CEP83: variants seen among roughly 807,000 people sequenced by gnomAD.
CEP83 encodes the protein centrosomal protein of 83 kDa.
In CEP83, 70 loss-of-function variants were observed where a neutral mutation model predicts 101.9. The observed-to-expected ratio is 0.69, with a 90% CI of 0.57 to 0.84. The LOEUF (loss-of-function observed/expected upper bound fraction) is 0.84. Ranked by LOEUF, CEP83 falls within the 40% of genes least tolerant of loss-of-function variation. The pLI is 0.00. For synonymous variants in CEP83, 264 were observed against 267.9 expected, an observed-to-expected ratio of 0.99 and a Z score of 0.14; for missense variants, 715 against 787.2, an observed-to-expected ratio of 0.91 and a Z score of 1.10.
At chr12:94,397,679 A>G (rs913010240) in intron 6 of CEP83, among the ~76,000 whole-genome samples, 5 of 152,236 alleles carry the variant, frequency 3.3e-5, no homozygotes, top group South Asian at 2.1e-4. Context: ...TCCTTACCAG[A>G]TAAGTATCAT....
At position 94,339,418 on chromosome 12, in the gene CEP83, GAT is replaced by G. The variant is rs143700102; in HGVS notation, c.1344-3756_1344-3755del. ...TTCTACAATCTGTGCCTTCCAATATGATAGTCACTAGCAACATGTTGCTAGTG... is the reference window on the plus strand; with the variant it reads ...TTCTACAATCTGTGCCTTCCAATATGAGTCACTAGCAACATGTTGCTAGTG... On this transcript the variant is annotated intron_variant, in intron 11 of 16. Coordinates refer to ENST00000397809, the MANE Select transcript of CEP83 (RefSeq NM_016122.3). 5.6e-3 allele frequency among the ~76,000 whole-genome samples: 854 copies of G among 152,214 alleles called. 5 individuals are homozygous for G. Among genetic ancestry groups the G allele is most frequent in the African/African-American group, 0.02 (814 of 41,530 alleles).
the CEP83 span, among the ~76,000 whole-genome samples, chr12:94,280,826 TCTTTTCCTGAGTTTGGGTGTCC>T: frequency 5.9e-5 from 9 of 152,206 alleles, no homozygotes; most frequent in African/African-American, 2.2e-4. Flanking sequence ...GCATCCTTAC[TCTTTTCCTGAGTTTGGGTGTCC>T]CTTGCCTCCT....
intron 2 of CEP83, among the ~76,000 whole-genome samples, chr12:94,427,194 C>T (rs1566174855): frequency 6.6e-6 from 1 of 152,212 alleles, no homozygotes; most frequent in East Asian, 1.9e-4. Flanking sequence ...AAGACACTTA[C>T]ACATACATTA....
intron 1 of CEP83, among the ~76,000 whole-genome samples, chr12:94,449,940 T>C (rs1210036271): frequency 6.6e-6 from 1 of 151,884 alleles, no homozygotes; most frequent in Admixed American, 6.6e-5. Context: ...GGAAAAAACA[T>C]GACAAAATCT....
rs965796056 is a variant in CEP83, at chr12:94,390,811, C to T, written c.549+10039G>A. On this transcript the variant is annotated intron_variant, in intron 6 of 16. Transcript: ENST00000397809. ...ACCTGATGGAGTGCAAACCATGGCA[C>T]GAGAACTTCGTGATGCATGCAGAAG... Among the ~76,000 whole-genome samples the T allele has an allele frequency of 3.3e-5, 5 of 151,968 alleles. No homozygotes were observed. In the South Asian group the frequency reaches 6.2e-4, roughly 19 times the overall value.
intron 1 of CEP83, among the ~76,000 whole-genome samples, chr12:94,437,466 T>C (rs1594061319): frequency 2.0e-5 from 3 of 152,098 alleles, no homozygotes; most frequent in Admixed American, 2.0e-4. Context: ...AAGAAAAGAA[T>C]CTTAACAGCT....
At chr12:94,301,702 T>TA (rs752306139), downstream of CEP83, among the ~76,000 whole-genome samples, 3 of 152,118 alleles carry the variant, frequency 2.0e-5, no homozygotes, top group African/African-American at 4.8e-5. Context: ...GGCAGGACTT[T>TA]AAGAGTACCT....
At chr12:94,456,051 A>G (rs2067653780) in intron 1 of CEP83, among the ~76,000 whole-genome samples, 2 of 151,844 alleles carry the variant, frequency 1.3e-5, no homozygotes, top group Non-Finnish European at 2.9e-5. Context: ...CCATCTCAAA[A>G]AAAAAAAAAA....
At chr12:94,387,925 A>G (rs975389189) in intron 6 of CEP83, among the ~76,000 whole-genome samples, 1 of 152,208 alleles carries the variant, frequency 6.6e-6, no homozygotes, top group African/African-American at 2.4e-5. Context: ...AAAGGAAAAA[A>G]AAAATAACAG....
At chr12:94,423,044 C>T (rs1006181492) in intron 2 of CEP83, among the ~76,000 whole-genome samples, 1 of 151,714 alleles carries the variant, frequency 6.6e-6, no homozygotes, top group Non-Finnish European at 1.5e-5. Flanking sequence ...CTTTTTCCAA[C>T]GTGGTTGTAC....
At chr12:94,413,358 A>G (rs552097353) in intron 2 of CEP83, among the ~76,000 whole-genome samples, 1 of 152,318 alleles carries the variant, frequency 6.6e-6, no homozygotes, top group Admixed American at 6.5e-5. Context: ...GGTAGTCTTA[A>G]ATTCACAAAC....
chr12:94,328,549 A>G (rs1396368169), intron 14 of CEP83, among the ~76,000 whole-genome samples: 2 of 152,224 alleles, frequency 1.3e-5, no homozygotes, highest in Admixed American at 1.3e-4. Flanking sequence ...AAAAAATGCT[A>G]TGACTTTTGG....
chr12:94,272,560 A>C, the CEP83 span, among the ~76,000 whole-genome samples: 1 of 152,066 alleles, frequency 6.6e-6, no homozygotes, highest in African/African-American at 2.4e-5. Context: ...CTGCCATCCT[A>C]GTCACAAGAT....
chr12:94,350,154 G>A (rs992227753), intron 11 of CEP83, among the ~76,000 whole-genome samples: 6 of 152,056 alleles, frequency 3.9e-5, no homozygotes, highest in South Asian at 4.1e-4. Context: ...CCTAAAATTC[G>A]TATGGAATCT....
intron 4 of CEP83, among the ~76,000 whole-genome samples, chr12:94,404,995 A>G (rs1322969063): frequency 1.3e-5 from 2 of 152,216 alleles, no homozygotes; most frequent in Non-Finnish European, 2.9e-5. Context: ...ATGAATCAAA[A>G]GCTTTAGTGG....
At chr12:94,289,999 TGAG>T in the CEP83 span, among the ~76,000 whole-genome samples, 1 of 152,186 alleles carries the variant, frequency 6.6e-6, no homozygotes, top group Non-Finnish European at 1.5e-5. Context: ...TGCCAGCTCT[TGAG>T]GAGACATTTG....
intron 14 of CEP83, among the ~76,000 whole-genome samples, chr12:94,313,884 G>A (rs988507902): frequency 2.6e-5 from 4 of 152,070 alleles, no homozygotes; most frequent in African/African-American, 7.2e-5. Flanking sequence ...TTACAAGCAC[G>A]TTTGTAAGTT....
intron 14 of CEP83, among the ~76,000 whole-genome samples, chr12:94,320,264 C>T (rs996636013): frequency 6.6e-6 from 1 of 152,198 alleles, no homozygotes; most frequent in African/African-American, 2.4e-5. Flanking sequence ...CTCTTGAAGA[C>T]AGCATATCAC....
chr12:94,421,034 T>G (rs2064700107), intron 2 of CEP83, among the ~76,000 whole-genome samples: 1 of 151,920 alleles, frequency 6.6e-6, no homozygotes, highest in Non-Finnish European at 1.5e-5. Context: ...CTTTTCTATA[T>G]GTATATTATA....
Sources: gnomAD v4.1 joint callset for allele counts (sites outside exome capture counted in the v4.1 genomes callset) on GRCh38, gnomAD v4.1.1 for gene constraint, MANE v1.5 for transcripts, NCBI Gene and HGNC (gene_info 2026-07-23, HGNC 2026-07-21) for gene names.